Variants in FNDC3B observed in about 807,000 individuals in gnomAD.
FNDC3B encodes the protein fibronectin type III domain containing 3B, also known as fibronectin type III domain-containing protein 3B.
FNDC3B carries 12 observed loss-of-function variants against 151.5 expected under a neutral mutation model. That is an observed-to-expected ratio of 0.08 (90% CI 0.05 to 0.13). FNDC3B has a LOEUF of 0.13. Among genes scored for constraint, FNDC3B ranks in the 10% least tolerant of loss-of-function variants. The pLI is 1.00. For synonymous variants in FNDC3B, 528 were observed against 549.0 expected (o/e 0.96, Z 0.54); for missense variants, 1,214 against 1,505.3 (o/e 0.81, Z 3.20).
intron 2 of FNDC3B, among the ~76,000 whole-genome samples, chr3:172,114,997 G>T (rs1720173293): frequency 6.6e-6 from 1 of 152,156 alleles, no homozygotes; most frequent in South Asian, 2.1e-4. Context: ...TCCTTAATGG[G>T]CAAAATTGTT....
At chr3:172,363,045 C>G (rs927874492) in intron 23 of FNDC3B, among the ~76,000 whole-genome samples, 200 bp downstream of exon 23, 1 of 149,780 alleles carries the variant, frequency 6.7e-6, no homozygotes, top group Non-Finnish European at 1.5e-5. Context: ...TTCTAAAGAT[C>G]CTGATTTCCC....
At chr3:172,244,618 T>G (rs1047863645) in intron 4 of FNDC3B, among the ~76,000 whole-genome samples, 1 of 32,426 alleles carries the variant, frequency 3.1e-5, no homozygotes, top group African/African-American at 2.7e-4. Context: ...ATATTTCACC[T>G]TTTTTTTTTT....
At chr3:172,129,493 A>G (rs536821747) in intron 2 of FNDC3B, among the ~76,000 whole-genome samples, 1 of 152,354 alleles carries the variant, frequency 6.6e-6, no homozygotes, top group East Asian at 1.9e-4. Context: ...TTATACCTGT[A>G]AAGGAAAGAT....
chr3:172,195,105 T>TA (rs1338696530), intron 3 of FNDC3B, among the ~76,000 whole-genome samples: 10 of 152,214 alleles, frequency 6.6e-5, no homozygotes, highest in South Asian at 2.1e-4. Context: ...TTAGTTATTT[T>TA]AAAAAAAGTT....
At chr3:172,350,839 C>A (rs1419336712) in intron 21 of FNDC3B, among the ~76,000 whole-genome samples, 3 of 152,028 alleles carry the variant, frequency 2.0e-5, no homozygotes, top group Non-Finnish European at 2.9e-5. Flanking sequence ...CAGAGACAGA[C>A]CCTGTCTCAA....
intron 1 of FNDC3B, among the ~76,000 whole-genome samples, chr3:172,045,975 G>A (rs1337104329): frequency 6.6e-6 from 1 of 152,110 alleles, no homozygotes; most frequent in East Asian, 1.9e-4. Context: ...CCAGTGAGAT[G>A]CCAGACCCTA....
chr3:172,231,739 C>T (rs930428244), intron 4 of FNDC3B, among the ~76,000 whole-genome samples: 1 of 150,618 alleles, frequency 6.6e-6, no homozygotes, highest in Non-Finnish European at 1.5e-5. Context: ...ATGATACAAT[C>T]TCACAGTCCG....
intron 11 of FNDC3B, among the ~76,000 whole-genome samples, chr3:172,315,756 G>C (rs1022031063): frequency 9.2e-5 from 14 of 152,148 alleles, no homozygotes; most frequent in Admixed American, 6.5e-5. Context: ...GCAGAAAGCA[G>C]ATCAGAAGCT....
chr3:172,286,033 C>A (rs1576873843), intron 7 of FNDC3B, 49 bp downstream of exon 7: 12 of 1,364,408 alleles, frequency 8.8e-6, no homozygotes, highest in South Asian at 1.3e-5. Flanking sequence ...TAAAGTATTT[C>A]AAATGTGCTT....
rs1723902707 is a variant in FNDC3B, at chr3:172,181,473, T to A, written c.188-45398T>A. Among the ~76,000 whole-genome samples the A allele has an allele frequency of 2.0e-5, 3 of 151,266 alleles. No individual in the cohort carries two copies. In the South Asian group the frequency reaches 6.3e-4, roughly 32 times the overall value. The stretch of plus-strand genomic sequence containing the variant: ...TGGTCAAGTAGAATGTTGGCCCGTC[T>A]TCTTCAAAGACAGCCTTTCTCTCCT... On this transcript the variant is annotated intron_variant, in intron 3 of 25. Coordinates refer to ENST00000415807, the MANE Select transcript of FNDC3B (RefSeq NM_022763.4).
intron 1 of FNDC3B, among the ~76,000 whole-genome samples, chr3:172,084,023 T>G (rs950166468): frequency 6.6e-6 from 1 of 152,158 alleles, no homozygotes; most frequent in African/African-American, 2.4e-5. Context: ...AGTAAAAGCC[T>G]CTCCTAGAGT....
chr3:172,190,601 A>G (rs1560009976), intron 3 of FNDC3B, among the ~76,000 whole-genome samples: 1 of 152,170 alleles, frequency 6.6e-6, no homozygotes, highest in African/African-American at 2.4e-5. Flanking sequence ...CCTTCTAGGG[A>G]GGGGTTTATG....
Position 172,149,806 on chromosome 3 carries a change from G to GTTTTTTTTTTTTTTT in FNDC3B, c.187+16276_187+16290dup, listed in dbSNP as rs10561622. Among the ~76,000 whole-genome samples the GTTTTTTTTTTTTTTT allele has an allele frequency of 1.3e-4, 7 of 52,458 alleles. 2 individuals carry two copies. The highest frequency in any genetic ancestry group is 5.5e-4 in the African/African-American group (7 of 12,746). 34.4% of individuals were successfully genotyped at this position (52,458 alleles called of 152,430 possible). ...TGTGTATACCTTTTGTATGTTGGGT[G>GTTTTTTTTTTTTTTT]TTTTTTTTTTTTTTTTTTTTTTTTT... On this transcript the variant is annotated intron_variant, in intron 3 of 25. Coordinates refer to ENST00000415807, the MANE Select transcript of FNDC3B (RefSeq NM_022763.4).
At chr3:172,049,058 T>C (rs572569261) in intron 1 of FNDC3B, among the ~76,000 whole-genome samples, 2 of 152,302 alleles carry the variant, frequency 1.3e-5, no homozygotes, top group African/African-American at 4.8e-5. Flanking sequence ...TACAACATTA[T>C]GAATGTATGT....
At chr3:172,235,374 AT>A (rs1727098468) in intron 4 of FNDC3B, among the ~76,000 whole-genome samples, 1 of 152,212 alleles carries the variant, frequency 6.6e-6, no homozygotes, top group South Asian at 2.1e-4. Flanking sequence ...TAAAGATGTA[AT>A]TTCTAACTGA....
At chr3:172,244,743 G>T (rs1164741567) in intron 4 of FNDC3B, among the ~76,000 whole-genome samples, 1 of 145,514 alleles carries the variant, frequency 6.9e-6, no homozygotes, top group Non-Finnish European at 1.5e-5. Context: ...CCCTGCTTCA[G>T]CCTCCTGAGT....
intron 25 of FNDC3B, among the ~76,000 whole-genome samples, chr3:172,391,040 G>A (rs2108390443): frequency 6.6e-6 from 1 of 152,250 alleles, no homozygotes; most frequent in East Asian, 1.9e-4. Context: ...GACAATAATG[G>A]AACAGGCAGA....
At chr3:172,072,189 C>T (rs1409154948) in intron 1 of FNDC3B, among the ~76,000 whole-genome samples, 3 of 148,260 alleles carry the variant, frequency 2.0e-5, no homozygotes, top group African/African-American at 7.5e-5. Context: ...GTTGATTACT[C>T]AAATGTGGCT....
chr3:172,289,553 T>C (rs1730212993), intron 7 of FNDC3B, among the ~76,000 whole-genome samples: 1 of 152,214 alleles, frequency 6.6e-6, no homozygotes. Context: ...GTTTATGCAG[T>C]TTCTGTCTTT....
Sources: gnomAD v4.1 joint callset for allele counts (sites outside exome capture counted in the v4.1 genomes callset) on GRCh38, gnomAD v4.1.1 for gene constraint, MANE v1.5 for transcripts, NCBI Gene and HGNC (gene_info 2026-07-23, HGNC 2026-07-21) for gene names.